Variants in TCF12 observed in about 807,000 individuals in gnomAD.
TCF12 encodes the protein DNA-binding protein HTF4.
A neutral mutation model predicts 86.0 loss-of-function variants in TCF12; 45 were observed. That is an observed-to-expected ratio of 0.52 (90% confidence interval 0.41 to 0.67). TCF12 has a LOEUF of 0.67. TCF12 is among the 30% of genes least tolerant of loss of function. The pLI is 0.00. For missense variants in TCF12, 881 were observed against 859.9 expected (o/e 1.02, Z -0.31); for synonymous variants, 330 against 299.6 (o/e 1.10, Z -1.05).
intron 5 of TCF12, among the ~76,000 whole-genome samples, chr15:57,131,078 G>C (rs2052077477): frequency 6.6e-6 from 1 of 152,158 alleles, no homozygotes; most frequent in Non-Finnish European, 1.5e-5. Context: ...CAGACATACT[G>C]TTAATAAGAT....
At chr15:56,975,725 T>C (rs1296952736) in intron 3 of TCF12, among the ~76,000 whole-genome samples, 1 of 152,126 alleles carries the variant, frequency 6.6e-6, no homozygotes, top group Admixed American at 6.6e-5. Context: ...GATAGCCAAT[T>C]ACAAGTAATA....
In TCF12 at chr15:57,028,343, C is replaced by T. The variant is rs531516176; in HGVS notation, c.149-35407C>T. On this transcript the variant is annotated intron_variant, in intron 3 of 20. Transcript: ENST00000333725. Reference sequence around the variant, plus strand: ...AAAATGTACTAATAAACACATGTAACACATTATTGTTGCAGTTGCTCAACA... The same window carrying T: ...AAAATGTACTAATAAACACATGTAATACATTATTGTTGCAGTTGCTCAACA... Among the ~76,000 whole-genome samples, 4 of 148,980 alleles carry T rather than the reference C, an allele frequency of 2.7e-5. No individual in the cohort carries two copies. In the South Asian group the frequency reaches 8.7e-4, roughly 32 times the overall value.
intron 6 of TCF12, among the ~76,000 whole-genome samples, chr15:57,188,682 G>A (rs1416402524): frequency 1.3e-5 from 2 of 152,148 alleles, no homozygotes; most frequent in Admixed American, 6.5e-5. Flanking sequence ...CAAAACTACT[G>A]AATAGGGAAA....
intron 5 of TCF12, among the ~76,000 whole-genome samples, chr15:57,137,188 C>T (rs1188329517): frequency 6.6e-6 from 1 of 151,970 alleles, no homozygotes; most frequent in African/African-American, 2.4e-5. Context: ...ACCGCATTAG[C>T]CAGTCTCAAG....
chr15:57,005,044 A>G (rs771560200), intron 3 of TCF12, among the ~76,000 whole-genome samples: 4 of 152,222 alleles, frequency 2.6e-5, no homozygotes, highest in Non-Finnish European at 5.9e-5. Context: ...GCCAAATATT[A>G]TGATATAAAT....
intron 5 of TCF12, among the ~76,000 whole-genome samples, chr15:57,130,446 A>G (rs1161378929): frequency 6.6e-6 from 1 of 152,180 alleles, no homozygotes; most frequent in Non-Finnish European, 1.5e-5. Flanking sequence ...AGAAAGAAAA[A>G]AATAGAATCT....
intron 3 of TCF12, among the ~76,000 whole-genome samples, chr15:57,057,958 A>G (rs2068161038): frequency 6.6e-6 from 1 of 152,162 alleles, no homozygotes; most frequent in African/African-American, 2.4e-5. Flanking sequence ...GGTATATTAG[A>G]TTGGGAGAAT....
chr15:57,284,547 C>T (rs1443503662), intron 20 of TCF12, among the ~76,000 whole-genome samples: 1 of 152,214 alleles, frequency 6.6e-6, no homozygotes, highest in Non-Finnish European at 1.5e-5. Flanking sequence ...AAAACCATGC[C>T]ACTATTTCTC....
At chr15:57,248,058 C>A (rs1481676855) in intron 13 of TCF12, 1 of 703,214 alleles carries the variant, frequency 1.4e-6, no homozygotes, top group South Asian at 1.5e-5. Context: ...GACCAGACAA[C>A]TGGACTCATG....
chr15:57,118,555 A>G (rs1333145593), intron 5 of TCF12: 1 of 152,046 alleles, frequency 6.6e-6, no homozygotes, highest in East Asian at 1.9e-4. Context: ...GTTAACAGAA[A>G]CCTTCTGAAC....
At chr15:57,081,990 T>C (rs2048345129) in intron 4 of TCF12, among the ~76,000 whole-genome samples, 1 of 152,348 alleles carries the variant, frequency 6.6e-6, no homozygotes, top group East Asian at 1.9e-4. Flanking sequence ...TACTTTCACC[T>C]TCAAGGAAAT....
intron 3 of TCF12, among the ~76,000 whole-genome samples, chr15:57,029,156 C>G (rs1410153276): frequency 6.6e-6 from 1 of 152,022 alleles, no homozygotes; most frequent in Non-Finnish European, 1.5e-5. Flanking sequence ...AAGAGTGGTT[C>G]TTCCAGTGTG....
At chr15:57,131,797 T>C (rs2052144469) in intron 5 of TCF12, among the ~76,000 whole-genome samples, 1 of 152,168 alleles carries the variant, frequency 6.6e-6, no homozygotes, top group Non-Finnish European at 1.5e-5. Flanking sequence ...ATTGAACTCA[T>C]TGTTATAATT....
At chr15:57,224,936 A>G (rs1597434206) in intron 8 of TCF12, among the ~76,000 whole-genome samples, 1 of 152,136 alleles carries the variant, frequency 6.6e-6, no homozygotes, top group South Asian at 2.1e-4. Flanking sequence ...ATTACCATTA[A>G]AAACTCTAGT....
At chr15:57,227,921 G>C (rs556959386) in intron 8 of TCF12, among the ~76,000 whole-genome samples, 1 of 151,882 alleles carries the variant, frequency 6.6e-6, no homozygotes, top group Admixed American at 6.6e-5. Context: ...TTATCTTAAA[G>C]CATATATATT....
intron 5 of TCF12, among the ~76,000 whole-genome samples, chr15:57,123,894 C>T (rs2051419470): frequency 6.7e-6 from 1 of 148,586 alleles, no homozygotes; most frequent in Non-Finnish European, 1.5e-5. Flanking sequence ...CGGGTGAACC[C>T]GGGAGTCAGA....
chr15:57,261,938 T>C (rs1282660082), intron 16 of TCF12, among the ~76,000 whole-genome samples, 156 bp from the exon 17 acceptor site: 1 of 152,120 alleles, frequency 6.6e-6, no homozygotes, highest in African/African-American at 2.4e-5. Flanking sequence ...ATTTTGAAAT[T>C]CTCCCCAAAA....
intron 3 of TCF12, among the ~76,000 whole-genome samples, chr15:57,007,267 A>T (rs1301529710): frequency 6.6e-6 from 1 of 152,166 alleles, no homozygotes; most frequent in African/African-American, 2.4e-5. Flanking sequence ...CCAATATTAA[A>T]ATGTTTTCAG....
chr15:57,038,849 T>C (rs1406734762), intron 3 of TCF12, among the ~76,000 whole-genome samples: 3 of 152,224 alleles, frequency 2.0e-5, no homozygotes, highest in African/African-American at 7.2e-5. Context: ...TAGCGTTGTA[T>C]TGAAGTGCAG....
Sources: allele counts gnomAD v4.1 joint callset (sites outside exome capture counted in the v4.1 genomes callset), GRCh38; gene constraint gnomAD v4.1.1; transcripts MANE v1.5; gene names NCBI Gene and HGNC (gene_info 2026-07-23, HGNC 2026-07-21).